The following FHOD3 variants were observed in gnomAD, a reference collection of about 807,000 sequenced individuals.
The protein encoded by FHOD3 is formin homology 2 domain containing 3.
In FHOD3, 90 loss-of-function variants were observed where a neutral mutation model predicts 173.0. The ratio of observed to expected loss-of-function variants is 0.52; its 90% CI spans 0.44 to 0.62. The LOEUF is 0.62. Among genes scored for constraint, FHOD3 ranks in the 20% least tolerant of loss-of-function variants. FHOD3 has a pLI of 0.00. For missense variants in FHOD3, 1,945 were observed against 2,034.7 expected, an observed-to-expected ratio of 0.96 and a Z score of 0.85; for synonymous variants, 828 against 823.0, an observed-to-expected ratio of 1.01 and a Z score of -0.10.
At chr18:36,396,817 G>C (rs1246905441) in intron 3 of FHOD3, among the ~76,000 whole-genome samples, 3 of 151,724 alleles carry the variant, frequency 2.0e-5, no homozygotes, top group African/African-American at 7.3e-5. Context: ...ATATTTTTAT[G>C]TTGCTCATTT....
intron 1 of FHOD3, among the ~76,000 whole-genome samples, chr18:36,303,136 T>C (rs2091998592): frequency 6.6e-6 from 1 of 152,220 alleles, no homozygotes; most frequent in South Asian, 2.1e-4. Flanking sequence ...TATAGCTTTA[T>C]TTATCCTCAC....
At chr18:36,631,951 A>G (rs377667768) in intron 10 of FHOD3, among the ~76,000 whole-genome samples, 2 of 152,220 alleles carry the variant, frequency 1.3e-5, no homozygotes, top group South Asian at 2.1e-4. Context: ...GTTCCAATAT[A>G]TAGATATACC....
intron 8 of FHOD3, among the ~76,000 whole-genome samples, chr18:36,611,316 A>G (rs2032649917): frequency 6.6e-6 from 1 of 152,226 alleles, no homozygotes; most frequent in Non-Finnish European, 1.5e-5. Flanking sequence ...ATCATCTCAC[A>G]GCTTCCGTGG....
At chr18:36,609,292 A>T (rs537544217) in intron 8 of FHOD3, among the ~76,000 whole-genome samples, 27 of 152,236 alleles carry the variant, frequency 1.8e-4, no homozygotes, top group African/African-American at 6.5e-4. Flanking sequence ...GCAGGGTGGA[A>T]CTGGGAGGGG....
intron 27 of FHOD3, among the ~76,000 whole-genome samples, chr18:36,762,094 C>A (rs2042905963): frequency 6.6e-6 from 1 of 152,158 alleles, no homozygotes; most frequent in South Asian, 2.1e-4. Flanking sequence ...TCAGTGACTT[C>A]TAATAGGCTT....
At chr18:36,420,053 C>T (rs1274470775) in intron 3 of FHOD3, among the ~76,000 whole-genome samples, 1 of 152,186 alleles carries the variant, frequency 6.6e-6, no homozygotes, top group Non-Finnish European at 1.5e-5. Context: ...TTTTCTGTCT[C>T]CTCTTGGACT....
intron 1 of FHOD3, among the ~76,000 whole-genome samples, chr18:36,326,961 A>T (rs2044703011): frequency 6.6e-6 from 1 of 152,176 alleles, no homozygotes; most frequent in Admixed American, 6.5e-5. Context: ...ACATCCAGTG[A>T]TTCAAGAGTT....
intron 1 of FHOD3, among the ~76,000 whole-genome samples, chr18:36,340,736 A>G (rs1024591048): frequency 6.6e-6 from 1 of 151,426 alleles, no homozygotes; most frequent in African/African-American, 2.4e-5. Flanking sequence ...TTCCGGGTTC[A>G]TGCCATTCTC....
chr18:36,300,059 A>G (rs777377583), intron 1 of FHOD3, among the ~76,000 whole-genome samples: 1 of 152,186 alleles, frequency 6.6e-6, no homozygotes, highest in Non-Finnish European at 1.5e-5. Context: ...AGCACTTGGC[A>G]TGTAGTGTAT....
At chr18:36,765,181 G>A (rs937247096) in intron 27 of FHOD3, among the ~76,000 whole-genome samples, 2 of 152,198 alleles carry the variant, frequency 1.3e-5, no homozygotes, top group African/African-American at 4.8e-5. Flanking sequence ...TGTTGAAGGA[G>A]ATGTCCTGCA....
chr18:36,684,948 A>C (rs181922439), intron 15 of FHOD3, among the ~76,000 whole-genome samples: 1 of 152,184 alleles, frequency 6.6e-6, no homozygotes, highest in Non-Finnish European at 1.5e-5. Flanking sequence ...GACTACAGGC[A>C]TGTACATGGG....
chr18:36,483,221 T>C (rs2054022415), intron 3 of FHOD3, among the ~76,000 whole-genome samples: 1 of 152,168 alleles, frequency 6.6e-6, no homozygotes, highest in Non-Finnish European at 1.5e-5. Context: ...AATCTGGAAG[T>C]GACCCAGGTC....
At chr18:36,730,144 G>T (rs1271705759) in intron 19 of FHOD3, among the ~76,000 whole-genome samples, 1 of 152,132 alleles carries the variant, frequency 6.6e-6, no homozygotes, top group African/African-American at 2.4e-5. Context: ...GCAAGGTGAG[G>T]GCTTTGAGAC....
intron 1 of FHOD3, among the ~76,000 whole-genome samples, chr18:36,353,533 A>AG (rs2046228948): frequency 6.6e-6 from 1 of 152,202 alleles, no homozygotes; most frequent in Non-Finnish European, 1.5e-5. Context: ...TAGATGTTTT[A>AG]AAGTAACCAC....
At chr18:36,551,420 AAG>A (rs1276675621) in intron 5 of FHOD3, among the ~76,000 whole-genome samples, 1 of 151,914 alleles carries the variant, frequency 6.6e-6, no homozygotes, top group Non-Finnish European at 1.5e-5. Flanking sequence ...AATTTTCTGG[AAG>A]AGTTTGTGTA....
chr18:36,730,047 A>G lies in FHOD3; in HGVS notation c.3418-599A>G, dbSNP rs912683051. 6.6e-5 allele frequency among the ~76,000 whole-genome samples: 10 copies of G among 152,250 alleles called. No individual in the cohort carries two copies. In the East Asian group the frequency reaches 1.9e-3, roughly 29 times the overall value. On this transcript the variant is annotated intron_variant, in intron 19 of 28. Transcript: ENST00000590592. Reference sequence around the variant, plus strand: ...TCTTTTCCTTGGAAGGCTCCTCTTCATTCATCTACCAGGCAGCTGCACAGA... The same window carrying G: ...TCTTTTCCTTGGAAGGCTCCTCTTCGTTCATCTACCAGGCAGCTGCACAGA...
chr18:36,531,491 A>G (rs536858904), intron 5 of FHOD3, among the ~76,000 whole-genome samples: 55 of 152,230 alleles, frequency 3.6e-4, no homozygotes, highest in African/African-American at 1.2e-3. Flanking sequence ...CTGCCCCTCC[A>G]TGTTCTGCCT....
intron 3 of FHOD3, among the ~76,000 whole-genome samples, chr18:36,423,582 T>C (rs1324601265): frequency 6.6e-6 from 1 of 152,134 alleles, no homozygotes; most frequent in African/African-American, 2.4e-5. Flanking sequence ...CTTATTATAG[T>C]GAACAATAGT....
chr18:36,601,940 C>T (rs758191292), intron 7 of FHOD3, among the ~76,000 whole-genome samples: 3 of 152,200 alleles, frequency 2.0e-5, no homozygotes, highest in African/African-American at 7.2e-5. Context: ...AAGCCTTCGC[C>T]TGCAGAGCCC....
Sources: gnomAD v4.1 joint callset for allele counts (sites outside exome capture counted in the v4.1 genomes callset) on GRCh38, gnomAD v4.1.1 for gene constraint, MANE v1.5 for transcripts, NCBI Gene and HGNC (gene_info 2026-07-23, HGNC 2026-07-21) for gene names.